The following ADAM28 variants were observed in gnomAD, a reference collection of about 807,000 sequenced individuals.
The protein encoded by ADAM28 is disintegrin and metalloproteinase domain-containing protein 28.
In ADAM28, 105 loss-of-function variants were observed where a neutral mutation model predicts 101.2. That is an observed-to-expected ratio of 1.04 (90% CI 0.89 to 1.22). The LOEUF is 1.22. ADAM28 is among the 50% of genes most tolerant of loss of function. ADAM28 has a pLI of 0.00. For synonymous variants in ADAM28, 322 were observed against 310.6 expected (o/e 1.04, Z -0.39); for missense variants, 1,028 against 945.4 (o/e 1.09, Z -1.15).
chr8:24,343,100 G>A lies in ADAM28; in HGVS notation c.1831-1G>A, dbSNP rs767659870. Reference sequence around the variant, plus strand: ...CTTCATGTTTTCTACATCACTTTCAGGTTTGCATTAATGCAGAATGTGTGG... The same window carrying A: ...CTTCATGTTTTCTACATCACTTTCAAGTTTGCATTAATGCAGAATGTGTGG... On this transcript the variant is annotated splice_acceptor_variant, in intron 16 of 22. Coordinates refer to ENST00000265769, the MANE Select transcript of ADAM28 (RefSeq NM_014265.6). LOFTEE classifies it high-confidence loss of function. 4 of 1,613,602 alleles carry A rather than the reference G, an allele frequency of 2.5e-6. No homozygotes were observed. Among genetic ancestry groups the A allele is most frequent in the Non-Finnish European group, 3.4e-6 (4 of 1,179,698 alleles).
chr8:24,330,413 G>T (rs1012738505), intron 11 of ADAM28, among the ~76,000 whole-genome samples: 2 of 152,168 alleles, frequency 1.3e-5, no homozygotes, highest in Middle Eastern at 3.4e-3. Flanking sequence ...CAGCATAGAT[G>T]GTGGTCAGAA....
At chr8:24,340,267 T>C (rs1047813558) in intron 15 of ADAM28, among the ~76,000 whole-genome samples, 6 of 152,196 alleles carry the variant, frequency 3.9e-5, no homozygotes, top group Non-Finnish European at 5.9e-5. Flanking sequence ...AGATCAACAT[T>C]TCCCAAAGTT....
intron 18 of ADAM28, among the ~76,000 whole-genome samples, chr8:24,347,914 C>A (rs1445228285): frequency 6.6e-6 from 1 of 151,934 alleles, no homozygotes; most frequent in African/African-American, 2.4e-5. Flanking sequence ...CGTTTTAAGT[C>A]TTTTTTTCTT....
intron 15 of ADAM28, chr8:24,341,331 TTC>T (rs1814734177): frequency 6.2e-6 from 2 of 322,232 alleles, no homozygotes; most frequent in South Asian, 2.2e-4. Context: ...GTGCTTAAGA[TTC>T]TGTTTTCTTC....
chr8:24,311,545 T>G, intron 5 of ADAM28, 108 bp downstream of exon 5: 2 of 807,554 alleles, frequency 2.5e-6, no homozygotes, highest in Non-Finnish European at 3.7e-6. Flanking sequence ...TAGTTGAATA[T>G]AAATCATAAG....
rs1816701897 is a variant in ADAM28, at chr8:24,356,608, T to C, written c.*2204T>C. 6.6e-6 allele frequency: 1 copy of C among 152,180 alleles called. No homozygotes were observed. Among genetic ancestry groups the C allele is most frequent in the Non-Finnish European group, 1.5e-5 (1 of 68,020 alleles). The allele number at this position is 152,180 out of a possible 1,614,324, so 9.4% of individuals were successfully genotyped here. On this transcript the variant is annotated 3_prime_UTR_variant, in exon 23 of 23. Transcript: ENST00000265769. ...CTTTCAGCTCAACTGCAGAATAGTTTAGAACAGACTTTTTGATTTCACAAT... is the reference window on the plus strand; with the variant it reads ...CTTTCAGCTCAACTGCAGAATAGTTCAGAACAGACTTTTTGATTTCACAAT...
intron 20 of ADAM28, among the ~76,000 whole-genome samples, 173 bp from the exon 21 acceptor site, chr8:24,351,814 G>A (rs1197735953): frequency 2.6e-5 from 1 of 37,784 alleles, no homozygotes; most frequent in Non-Finnish European, 6.7e-5. Flanking sequence ...TACAGCTCTG[G>A]GAAATACTTC....
chr8:24,334,778 C>T (rs1813800921), intron 13 of ADAM28, among the ~76,000 whole-genome samples: 1 of 152,180 alleles, frequency 6.6e-6, no homozygotes, highest in Non-Finnish European at 1.5e-5. Context: ...CATACTTTCT[C>T]AGTTTTGCAG....
intron 1 of ADAM28, among the ~76,000 whole-genome samples, chr8:24,295,190 A>G (rs1317837401): frequency 6.6e-6 from 1 of 152,094 alleles, no homozygotes; most frequent in Non-Finnish European, 1.5e-5. Context: ...CACTTAACCT[A>G]ATATCTTTAA....
intron 7 of ADAM28, among the ~76,000 whole-genome samples, 190 bp from the exon 8 acceptor site, chr8:24,321,027 AT>A (rs1811800248): frequency 6.6e-6 from 1 of 151,970 alleles, no homozygotes; most frequent in African/African-American, 2.4e-5. Flanking sequence ...AGAAAACATC[AT>A]ATTCACTCCC....
intron 7 of ADAM28, among the ~76,000 whole-genome samples, chr8:24,320,780 G>C (rs1253063584): frequency 1.3e-5 from 2 of 151,860 alleles, no homozygotes; most frequent in Non-Finnish European, 2.9e-5. Flanking sequence ...CATATACTGT[G>C]TTTTCAAAAT....
intron 15 of ADAM28, among the ~76,000 whole-genome samples, chr8:24,340,056 A>C (rs78045453): frequency 1.3e-5 from 2 of 152,196 alleles, no homozygotes; most frequent in Non-Finnish European, 2.9e-5. Flanking sequence ...AAATATTGAC[A>C]ATTCATCTGA....
intron 18 of ADAM28, among the ~76,000 whole-genome samples, chr8:24,346,654 A>G (rs1362532319): frequency 6.6e-6 from 1 of 152,118 alleles, no homozygotes; most frequent in African/African-American, 2.4e-5. Flanking sequence ...TGTGTGTAAC[A>G]TAATAGAGCA....
rs202095116 is a variant in ADAM28 at position 24,325,887 on chromosome 8, A to C, written c.891-667A>C. ...TACAGATAGCAAAAAAAAAAAAAAAAAAAAAAAAAAAAACCAAAAAACAAA... is the reference window on the plus strand; with the variant it reads ...TACAGATAGCAAAAAAAAAAAAAAACAAAAAAAAAAAAACCAAAAAACAAA... On this transcript the variant is annotated intron_variant, in intron 9 of 22. Transcript: ENST00000265769. Among the ~76,000 whole-genome samples, 29 of 135,976 alleles carry C rather than the reference A, an allele frequency of 2.1e-4. 1 individual carries two copies. Among genetic ancestry groups the C allele is most frequent in the South Asian group, 4.6e-4 (2 of 4,374 alleles). The allele number at this position is 135,976 out of a possible 152,430, so 89.2% of individuals were successfully genotyped here.
intron 14 of ADAM28, among the ~76,000 whole-genome samples, chr8:24,336,580 C>CAAAAAAAAAA (rs769016133): frequency 0.015 from 873 of 57,166 alleles, no homozygotes; most frequent in South Asian, 0.02. Context: ...ACTCCGTCTC[C>CAAAAAAAAAA]AAAAAAAAAA....
chr8:24,334,211 C>T (rs1278012365), intron 13 of ADAM28, among the ~76,000 whole-genome samples: 1 of 152,070 alleles, frequency 6.6e-6, no homozygotes, highest in Non-Finnish European at 1.5e-5. Flanking sequence ...ATTCAATGGC[C>T]TTGTAGATAG....
At chr8:24,308,012 T>G (rs1049706440) in intron 2 of ADAM28, among the ~76,000 whole-genome samples, 3 of 152,192 alleles carry the variant, frequency 2.0e-5, no homozygotes, top group African/African-American at 7.2e-5. Flanking sequence ...CCCTAGACCT[T>G]ACAGATTTGC....
intron 4 of ADAM28, among the ~76,000 whole-genome samples, chr8:24,310,734 A>G (rs1221173823): frequency 6.6e-6 from 1 of 152,030 alleles, no homozygotes; most frequent in Non-Finnish European, 1.5e-5. Flanking sequence ...TCTGAGCTCC[A>G]TTTTCCATGG....
At position 24,349,989 on chromosome 8, in the gene ADAM28, T is replaced by C; in HGVS notation, c.2099+17T>C. 3 of 1,610,404 alleles carry C rather than the reference T, an allele frequency of 1.9e-6. No individual in the cohort carries two copies. Among genetic ancestry groups the C allele is most frequent in the Non-Finnish European group, 2.5e-6 (3 of 1,177,190 alleles). ...AGATCAGAGGTGATCCTTTATCTTA[T>C]CTTGCTGTAGGGACTCTTTGACCCC... On this transcript the variant is annotated intron_variant, in intron 19 of 22. Transcript: ENST00000265769.
Sources: gnomAD v4.1 joint callset for allele counts (sites outside exome capture counted in the v4.1 genomes callset) on GRCh38, gnomAD v4.1.1 for gene constraint, MANE v1.5 for transcripts, NCBI Gene and HGNC (gene_info 2026-07-23, HGNC 2026-07-21) for gene names.